The following ATF6 variants were observed in gnomAD, a reference collection of about 807,000 sequenced individuals.
ATF6 encodes the protein activating transcription factor 6.
A neutral mutation model predicts 83.6 loss-of-function variants in ATF6; 53 were observed. The observed-to-expected ratio is 0.63, with a 90% confidence interval of 0.51 to 0.80. The LOEUF is 0.80. Ranked by LOEUF, ATF6 falls within the 30% of genes least tolerant of loss-of-function variation. The probability of loss-of-function intolerance (pLI) is 0.00; values close to 1 mark genes in which losing one functional copy is unlikely to be tolerated. For synonymous variants in ATF6, 288 were observed against 285.8 expected (o/e 1.01, Z -0.08); for missense variants, 744 against 797.9 (o/e 0.93, Z 0.81).
intron 7 of ATF6, among the ~76,000 whole-genome samples, chr1:161,807,688 A>T (rs369817496): frequency 6.6e-5 from 10 of 152,180 alleles, no homozygotes; most frequent in Admixed American, 2.0e-4. Context: ...CTAAAAATTT[A>T]TCTTGAATAG....
chr1:161,783,714 G>A (rs1029236860), intron 3 of ATF6, among the ~76,000 whole-genome samples: 18 of 151,626 alleles, frequency 1.2e-4, no homozygotes, highest in Admixed American at 1.2e-3. Flanking sequence ...TACCCTTCCA[G>A]AGAATTAGTG....
chr1:161,923,317 A>T (rs1688252056), intron 15 of ATF6, among the ~76,000 whole-genome samples: 1 of 152,126 alleles, frequency 6.6e-6, no homozygotes, highest in Non-Finnish European at 1.5e-5. Flanking sequence ...TAGAGTTGGG[A>T]AATTTTTGCC....
intron 2 of ATF6, 134 bp downstream of exon 2, chr1:161,778,454 G>A (rs553610457): frequency 4.6e-6 from 3 of 649,036 alleles, no homozygotes; most frequent in East Asian, 2.8e-5. Context: ...CTACCATTAA[G>A]TATGAAAGTT....
chr1:161,815,963 A>G (rs979174777), intron 7 of ATF6, among the ~76,000 whole-genome samples: 6 of 152,188 alleles, frequency 3.9e-5, no homozygotes, highest in Admixed American at 3.3e-4. Flanking sequence ...AAATTAAACT[A>G]AAAACAAAAT....
At chr1:161,897,935 A>G (rs935080109) in intron 14 of ATF6, among the ~76,000 whole-genome samples, 5 of 152,192 alleles carry the variant, frequency 3.3e-5, no homozygotes, top group African/African-American at 1.2e-4. Context: ...TATTTCTATT[A>G]AACAACACTG....
intron 10 of ATF6, among the ~76,000 whole-genome samples, chr1:161,849,728 T>A (rs1012457515): frequency 6.6e-6 from 1 of 152,152 alleles, no homozygotes; most frequent in Non-Finnish European, 1.5e-5. Context: ...ACAGTTCATA[T>A]CTATATGTCC....
At chr1:161,804,911 A>G (rs981201904) in intron 7 of ATF6, among the ~76,000 whole-genome samples, 2 of 152,140 alleles carry the variant, frequency 1.3e-5, no homozygotes, top group Admixed American at 1.3e-4. Flanking sequence ...TTAATGAAAT[A>G]TTTTAGACAT....
chr1:161,844,285 G>A (rs906993755), intron 9 of ATF6, among the ~76,000 whole-genome samples: 2 of 152,182 alleles, frequency 1.3e-5, no homozygotes, highest in Non-Finnish European at 2.9e-5. Flanking sequence ...GTAAAGAGGA[G>A]CATGTGAAAG....
chr1:161,802,242 A>T lies in ATF6; in HGVS notation c.879A>T (p.Leu293=), dbSNP rs773297045. 6.2e-7 allele frequency: 1 copy of T among 1,614,054 alleles called. No homozygotes were observed. Among genetic ancestry groups the T allele is most frequent in the East Asian group, 2.2e-5 (1 of 44,888 alleles). The change falls in exon 7 of 16, where the codon CTA becomes CTT. Residue 293 remains leucine (L), a synonymous_variant. Transcript: ENST00000367942. Reference sequence around the variant, plus strand: ...AACTTTCCGTGACTAAACCTGTCCTACAAAGTACCATGAGAAATGTCGGTT... The same window carrying T: ...AACTTTCCGTGACTAAACCTGTCCTTCAAAGTACCATGAGAAATGTCGGTT... The part of the protein sequence containing the change: ...NGKLSVTKPV[L]QSTMRNVGSD...
rs560667293 is a variant in ATF6 at position 161,887,503 on chromosome 1, C to T, written c.1719+24191C>T. Among the ~76,000 whole-genome samples, 29 of 152,320 alleles carry T rather than the reference C, an allele frequency of 1.9e-4. No individual in the cohort carries two copies. In the South Asian group the frequency reaches 5.8e-3, roughly 30 times the overall value. The stretch of plus-strand genomic sequence containing the variant: ...ACTTTGTAAAGGGGATAATTGTTAT[C>T]ACCCATCAGAGCATCAGAGTTTTAA... On this transcript the variant is annotated intron_variant, in intron 14 of 15. Coordinates refer to ENST00000367942, the MANE Select transcript of ATF6 (RefSeq NM_007348.4).
intron 15 of ATF6, among the ~76,000 whole-genome samples, chr1:161,919,460 TAAA>T (rs1340351897): frequency 6.6e-6 from 1 of 152,218 alleles, no homozygotes; most frequent in Non-Finnish European, 1.5e-5. Flanking sequence ...TCACTCTTGG[TAAA>T]TAATTGAACA....
chr1:161,911,858 A>G (rs546014054), intron 14 of ATF6, among the ~76,000 whole-genome samples: 324 of 152,296 alleles, frequency 2.1e-3, no homozygotes, highest in African/African-American at 7.5e-3. Flanking sequence ...TTTAGGGGAG[A>G]TACTCTCAGT....
At chr1:161,828,573 T>C (rs1304571572) in intron 9 of ATF6, among the ~76,000 whole-genome samples, 1 of 152,204 alleles carries the variant, frequency 6.6e-6, no homozygotes, top group East Asian at 1.9e-4. Context: ...CACTCTTGGT[T>C]GCCAAAAGAG....
At chr1:161,801,725 C>A (rs905807895) in intron 6 of ATF6, among the ~76,000 whole-genome samples, 2 of 152,138 alleles carry the variant, frequency 1.3e-5, no homozygotes, top group African/African-American at 2.4e-5. Flanking sequence ...ATCCTTTTAG[C>A]ACTAATAAAT....
chr1:161,772,133 C>T (rs894693304), intron 1 of ATF6, among the ~76,000 whole-genome samples: 1 of 152,214 alleles, frequency 6.6e-6, no homozygotes, highest in Non-Finnish European at 1.5e-5. Flanking sequence ...CTCTCATTCT[C>T]TTCAGTTCAT....
chr1:161,802,318 C>T, intron 7 of ATF6, 46 bp downstream of exon 7: 1 of 1,542,900 alleles, frequency 6.5e-7, no homozygotes, highest in Non-Finnish European at 8.9e-7. Context: ...GATTTAAAAA[C>T]CAACAAAAAA....
At chr1:161,860,636 G>A (rs1571196994) in intron 13 of ATF6, among the ~76,000 whole-genome samples, 1 of 151,830 alleles carries the variant, frequency 6.6e-6, no homozygotes, top group Non-Finnish European at 1.5e-5. Flanking sequence ...TGAGTGCTCT[G>A]TACCAGGTGT....
chr1:161,801,376 T>C (rs1685142739), intron 6 of ATF6, among the ~76,000 whole-genome samples: 1 of 147,988 alleles, frequency 6.8e-6, no homozygotes, highest in Admixed American at 6.7e-5. Flanking sequence ...TTTTTTTTTT[T>C]TTTTTTGTCC....
chr1:161,951,811 G>A (rs900164996), intron 15 of ATF6, among the ~76,000 whole-genome samples: 3 of 152,160 alleles, frequency 2.0e-5, no homozygotes, highest in African/African-American at 7.2e-5. Flanking sequence ...CTCATCTTCT[G>A]TAATTCCTCC....
Sources: allele counts gnomAD v4.1 joint callset (sites outside exome capture counted in the v4.1 genomes callset), GRCh38; gene constraint gnomAD v4.1.1; transcripts MANE v1.5; gene names NCBI Gene and HGNC (gene_info 2026-07-23, HGNC 2026-07-21).